The following NCKAP5 variants were observed in gnomAD, a reference collection of about 807,000 sequenced individuals.
NCKAP5 encodes the protein nck-associated protein 5.
In NCKAP5, 92 loss-of-function variants were observed where a neutral mutation model predicts 167.0. The ratio of observed to expected loss-of-function variants is 0.55; its 90% CI spans 0.47 to 0.66. The LOEUF is 0.66. Ranked by LOEUF, NCKAP5 falls within the 30% of genes least tolerant of loss-of-function variation. The pLI is 0.00. For synonymous variants in NCKAP5, 891 were observed against 877.4 expected (o/e 1.02, Z -0.27); for missense variants, 2,378 against 2,315.0 (o/e 1.03, Z -0.56).
chr2:132,781,511 T>C lies in NCKAP5; in HGVS notation c.4872-282A>G, dbSNP rs557837402. 1.5e-3 allele frequency among the ~76,000 whole-genome samples: 232 copies of C among 152,320 alleles called. 1 individual carries two copies. Among genetic ancestry groups the C allele is most frequent in the African/African-American group, 5.2e-3 (217 of 41,584 alleles). ...GAAGAGTGATTATTAACTACATTTT[T>C]AGCTTAAGAGCAGCAAGAAATATAA... On this transcript the variant is annotated intron_variant, in intron 14 of 19. Coordinates refer to ENST00000409261, the MANE Select transcript of NCKAP5 (RefSeq NM_207363.3).
At chr2:133,505,943 C>A (rs927117099) in intron 3 of NCKAP5, among the ~76,000 whole-genome samples, 3 of 152,208 alleles carry the variant, frequency 2.0e-5, no homozygotes, top group African/African-American at 4.8e-5. Context: ...ATTCCTTGTT[C>A]TTTATTTCAC....
At chr2:132,943,330 T>C (rs1238612319) in intron 8 of NCKAP5, among the ~76,000 whole-genome samples, 3 of 152,248 alleles carry the variant, frequency 2.0e-5, no homozygotes, top group Non-Finnish European at 2.9e-5. Flanking sequence ...TGATTGCATA[T>C]CAATTTGAAT....
intron 8 of NCKAP5, among the ~76,000 whole-genome samples, chr2:132,949,079 A>G (rs1574737887): frequency 8.4e-6 from 1 of 119,200 alleles, no homozygotes; most frequent in Non-Finnish European, 1.7e-5. Context: ...GACAAGACCC[A>G]CCCCCCACCC....
chr2:133,304,766 T>C (rs1423967527), intron 3 of NCKAP5, among the ~76,000 whole-genome samples: 1 of 152,246 alleles, frequency 6.6e-6, no homozygotes, highest in Non-Finnish European at 1.5e-5. Flanking sequence ...GTGCTGCAGA[T>C]ACAGTAATCA....
chr2:132,983,244 A>G (rs1298062636), intron 7 of NCKAP5, among the ~76,000 whole-genome samples: 1 of 152,182 alleles, frequency 6.6e-6, no homozygotes, highest in Non-Finnish European at 1.5e-5. Flanking sequence ...AGAAGCATAT[A>G]ATCAGTGAAG....
At chr2:133,663,548 T>C in the NCKAP5 span, among the ~76,000 whole-genome samples, 1 of 152,254 alleles carries the variant, frequency 6.6e-6, no homozygotes, top group Non-Finnish European at 1.5e-5. Flanking sequence ...ACTAAGTTTA[T>C]GAATATTCTA....
chr2:133,257,700 G>A (rs2088689124), intron 4 of NCKAP5, among the ~76,000 whole-genome samples: 1 of 152,192 alleles, frequency 6.6e-6, no homozygotes, highest in South Asian at 2.1e-4. Flanking sequence ...AGACAAAGGA[G>A]AACATGAAGA....
At chr2:132,728,737 T>C in intron 18 of NCKAP5, 79 bp downstream of exon 18, 2 of 1,539,488 alleles carry the variant, frequency 1.3e-6, no homozygotes, top group South Asian at 2.4e-5. Context: ...AAATCTATCA[T>C]AAAAGTGTTT....
At chr2:133,319,354 G>A (rs1051817571) in intron 3 of NCKAP5, among the ~76,000 whole-genome samples, 1 of 152,162 alleles carries the variant, frequency 6.6e-6, no homozygotes, top group Non-Finnish European at 1.5e-5. Flanking sequence ...AGCAACAGCT[G>A]CCCTGCTGTG....
chr2:133,172,824 T>C (rs2084305290), intron 5 of NCKAP5, among the ~76,000 whole-genome samples: 1 of 152,142 alleles, frequency 6.6e-6, no homozygotes, highest in Non-Finnish European at 1.5e-5. Context: ...ATTTTTTGTA[T>C]TTTTAGTAGA....
chr2:132,800,956 G>T (rs1684984670), intron 11 of NCKAP5, among the ~76,000 whole-genome samples: 1 of 152,076 alleles, frequency 6.6e-6, no homozygotes, highest in African/African-American at 2.4e-5. Context: ...CTTCTTTCTG[G>T]GGGCACGGCT....
At chr2:133,630,296 T>C in the NCKAP5 span, among the ~76,000 whole-genome samples, 1 of 152,190 alleles carries the variant, frequency 6.6e-6, no homozygotes, top group South Asian at 2.1e-4. Context: ...TGCTTAGTGA[T>C]GGAATACAGG....
chr2:133,389,537 T>C (rs1379787754), intron 3 of NCKAP5, among the ~76,000 whole-genome samples: 1 of 152,180 alleles, frequency 6.6e-6, no homozygotes, highest in Non-Finnish European at 1.5e-5. Context: ...AGACTCGACA[T>C]GGAAGAGCAG....
At chr2:133,426,130 C>T (rs949601812) in intron 3 of NCKAP5, among the ~76,000 whole-genome samples, 20 of 151,890 alleles carry the variant, frequency 1.3e-4, no homozygotes, top group Admixed American at 5.3e-4. Flanking sequence ...ATTAGCTGGA[C>T]GTGGTGGTGC....
intron 19 of NCKAP5, among the ~76,000 whole-genome samples, chr2:132,677,138 A>G (rs966696700): frequency 2.7e-4 from 41 of 152,274 alleles, no homozygotes; most frequent in African/African-American, 9.6e-4. Flanking sequence ...GTGCTTCATC[A>G]GAATTATGAT....
At chr2:133,164,530 A>C (rs530121015) in intron 5 of NCKAP5, among the ~76,000 whole-genome samples, 4 of 152,286 alleles carry the variant, frequency 2.6e-5, no homozygotes, top group African/African-American at 9.6e-5. Flanking sequence ...TTGTTGTTAC[A>C]CCTTACAACA....
chr2:133,462,684 G>C (rs568286135), intron 3 of NCKAP5, among the ~76,000 whole-genome samples: 16 of 152,162 alleles, frequency 1.1e-4, no homozygotes, highest in Admixed American at 3.3e-4. Flanking sequence ...CTGTAAAATG[G>C]GGAGAATAAT....
At chr2:132,961,059 T>TG (rs2076497046) in intron 8 of NCKAP5, among the ~76,000 whole-genome samples, 1 of 152,154 alleles carries the variant, frequency 6.6e-6, no homozygotes, top group Non-Finnish European at 1.5e-5. Context: ...AAGTAATTTT[T>TG]GACACATTAT....
chr2:133,271,145 G>C (rs1033390908), intron 4 of NCKAP5, among the ~76,000 whole-genome samples: 2 of 150,714 alleles, frequency 1.3e-5, no homozygotes, highest in Admixed American at 6.6e-5. Context: ...TGTTAGCCAG[G>C]ATGGTCTTGA....
Sources: allele counts gnomAD v4.1 joint callset (sites outside exome capture counted in the v4.1 genomes callset), GRCh38; gene constraint gnomAD v4.1.1; transcripts MANE v1.5; gene names NCBI Gene and HGNC (gene_info 2026-07-23, HGNC 2026-07-21).